The following AFF3 variants were observed in gnomAD, a reference collection of about 807,000 sequenced individuals.
AFF3 encodes the protein ALF transcription elongation factor 3, also known as AF4/FMR2 family member 3.
Under a neutral mutation model 129.7 loss-of-function variants are expected in AFF3, and 32 were observed. That is an observed-to-expected ratio of 0.25 (90% CI 0.19 to 0.33). AFF3 has a LOEUF of 0.33. Among genes scored for constraint, AFF3 ranks in the 10% least tolerant of loss-of-function variants. The pLI, the probability that AFF3 is intolerant of heterozygous loss-of-function variation, is 1.00. For missense variants in AFF3, 1,373 were observed against 1,592.0 expected, an observed-to-expected ratio of 0.86 and a Z score of 2.34; for synonymous variants, 644 against 635.4, an observed-to-expected ratio of 1.01 and a Z score of -0.20.
At chr2:100,059,630 G>A (rs2105217116) in intron 4 of AFF3, among the ~76,000 whole-genome samples, 1 of 152,326 alleles carries the variant, frequency 6.6e-6, no homozygotes, top group East Asian at 1.9e-4. Flanking sequence ...AATTATATCT[G>A]AATATAGCCA....
intron 4 of AFF3, among the ~76,000 whole-genome samples, chr2:100,021,368 T>C (rs1683583981): frequency 6.6e-6 from 1 of 152,176 alleles, no homozygotes; most frequent in Admixed American, 6.5e-5. Flanking sequence ...GAGTGGGCAC[T>C]GAATAAAACA....
intron 8 of AFF3, among the ~76,000 whole-genome samples, chr2:99,788,980 T>C (rs1685003579): frequency 6.6e-6 from 1 of 152,174 alleles, no homozygotes; most frequent in African/African-American, 2.4e-5. Context: ...CCATACCATA[T>C]AGCTTGAGTG....
intron 11 of AFF3, among the ~76,000 whole-genome samples, chr2:99,720,238 G>T (rs750073317): frequency 2.6e-5 from 4 of 152,126 alleles, no homozygotes; most frequent in Non-Finnish European, 5.9e-5. Context: ...GGTATTGGGA[G>T]CTGGGGCCCA....
chr2:99,611,551 A>C (rs1680922339), intron 13 of AFF3, among the ~76,000 whole-genome samples: 1 of 152,076 alleles, frequency 6.6e-6, no homozygotes, highest in Non-Finnish European at 1.5e-5. Context: ...AGGGGGCCAC[A>C]GTTTTTTTTC....
chr2:99,967,112 C>T (rs189568832), intron 7 of AFF3, among the ~76,000 whole-genome samples: 10 of 152,216 alleles, frequency 6.6e-5, no homozygotes, highest in African/African-American at 2.2e-4. Flanking sequence ...TCACAATTCT[C>T]ACCCCAGCCC....
intron 12 of AFF3, among the ~76,000 whole-genome samples, chr2:99,653,252 T>C (rs555293245): frequency 1.2e-4 from 18 of 152,352 alleles, no homozygotes; most frequent in African/African-American, 3.4e-4. Context: ...ATTATTAGTA[T>C]TGTCTCTTAA....
At chr2:99,723,174 A>G (rs1387142757) in intron 11 of AFF3, among the ~76,000 whole-genome samples, 1 of 152,194 alleles carries the variant, frequency 6.6e-6, no homozygotes, top group Admixed American at 6.5e-5. Flanking sequence ...ACGCATGTTA[A>G]GATTAAATCG....
At chr2:99,915,748 A>G (rs973424342) in intron 7 of AFF3, among the ~76,000 whole-genome samples, 3 of 152,126 alleles carry the variant, frequency 2.0e-5, no homozygotes, top group African/African-American at 4.8e-5. Context: ...TGAATTTGCT[A>G]TTTCTGGGTA....
At chr2:99,906,437 G>T (rs1352303847) in intron 7 of AFF3, among the ~76,000 whole-genome samples, 1 of 152,094 alleles carries the variant, frequency 6.6e-6, no homozygotes, top group East Asian at 1.9e-4. Context: ...ATCTGGGATG[G>T]TCAGTTCTAT....
intron 11 of AFF3, among the ~76,000 whole-genome samples, chr2:99,708,534 G>A (rs927554079): frequency 6.6e-6 from 1 of 152,170 alleles, no homozygotes; most frequent in Non-Finnish European, 1.5e-5. Flanking sequence ...AAATGCTCCA[G>A]TTTTAATTTT....
chr2:99,910,081 A>G (rs570190563), intron 7 of AFF3, among the ~76,000 whole-genome samples: 4 of 152,330 alleles, frequency 2.6e-5, no homozygotes, highest in African/African-American at 9.6e-5. Context: ...TCTGAAATGA[A>G]CTTTGAAATA....
intron 7 of AFF3, among the ~76,000 whole-genome samples, chr2:99,976,450 C>T (rs1576465937): frequency 2.0e-5 from 3 of 152,172 alleles, no homozygotes; most frequent in African/African-American, 4.8e-5. Flanking sequence ...AGGTTCGTAG[C>T]ATTTATCAGA....
rs757874688 is a variant in AFF3 at position 99,582,908 on chromosome 2, C to A, written c.2683G>T (p.Asp895Tyr). 2 of 1,614,126 alleles carry A rather than the reference C, an allele frequency of 1.2e-6. No homozygotes were observed. The highest frequency in any genetic ancestry group is 1.7e-6 in the Non-Finnish European group (2 of 1,180,022). ...DASKHKYTSEDLTSSSRPNGN... is the reference protein window; with the variant it reads ...DASKHKYTSEYLTSSSRPNGN... ...TTAGGTCGGCTGGAAGAAGTTAAGT[C>A]CTCGCTGGTGTATTTGTGTTTAGAT... Residue 895 changes from aspartate (D) to tyrosine (Y), a missense_variant, in exon 17 of 25, where the codon GAC (aspartate) becomes TAC (tyrosine). By Grantham distance (160) the Asp-to-Tyr change is radical. Transcript: ENST00000672756.
At chr2:99,701,429 A>G (rs1370705257) in intron 11 of AFF3, among the ~76,000 whole-genome samples, 2 of 152,208 alleles carry the variant, frequency 1.3e-5, no homozygotes, top group Non-Finnish European at 2.9e-5. Context: ...ACAGATTAAG[A>G]CTAAAAGAAA....
chr2:100,011,277 AG>A (rs1682524714), intron 4 of AFF3, among the ~76,000 whole-genome samples: 4 of 152,110 alleles, frequency 2.6e-5, no homozygotes, highest in Admixed American at 2.6e-4. Context: ...CCCTCTCAAA[AG>A]AAAAAAAAGC....
intron 7 of AFF3, among the ~76,000 whole-genome samples, chr2:99,952,206 G>A (rs1460199076): frequency 6.6e-6 from 1 of 152,074 alleles, no homozygotes; most frequent in African/African-American, 2.4e-5. Context: ...GACAGTGAGT[G>A]GGTTATTGCA....
At chr2:99,843,680 C>G (rs1355461462) in intron 7 of AFF3, among the ~76,000 whole-genome samples, 2 of 151,988 alleles carry the variant, frequency 1.3e-5, no homozygotes, top group Non-Finnish European at 2.9e-5. Context: ...TATCATAAAT[C>G]CAGAAAAACT....
chr2:99,862,314 G>A (rs1182694388), intron 7 of AFF3, among the ~76,000 whole-genome samples: 2 of 152,146 alleles, frequency 1.3e-5, no homozygotes, highest in East Asian at 3.9e-4. Flanking sequence ...ACTGTCCTCT[G>A]CAGCACACTA....
At chr2:99,647,456 C>G (rs6749222) in intron 13 of AFF3, among the ~76,000 whole-genome samples, 94,001 of 151,966 alleles carry the variant, frequency 0.62, 29,510 homozygotes, top group East Asian at 0.82. Flanking sequence ...AGACCCATGA[C>G]GGGGAAACAC....
Sources: allele counts gnomAD v4.1 joint callset (sites outside exome capture counted in the v4.1 genomes callset), GRCh38; gene constraint gnomAD v4.1.1; transcripts MANE v1.5; gene names NCBI Gene and HGNC (gene_info 2026-07-23, HGNC 2026-07-21).